Variants in SPTBN2 observed in about 807,000 individuals in gnomAD.
SPTBN2 encodes spectrin beta, non-erythrocytic 2.
SPTBN2 carries 107 observed loss-of-function variants against 284.2 expected under a neutral mutation model. The ratio of observed to expected loss-of-function variants is 0.38; its 90% CI spans 0.32 to 0.44. The LOEUF (loss-of-function observed/expected upper bound fraction) is 0.44, where lower values mean the gene tolerates loss of function less well. SPTBN2 is among the 20% of genes least tolerant of loss of function. SPTBN2 has a pLI of 1.00. For missense variants in SPTBN2, 2,569 were observed against 3,287.1 expected (o/e 0.78, Z 5.34); for synonymous variants, 1,289 against 1,354.8 (o/e 0.95, Z 1.07).
intron 17 of SPTBN2, 139 bp from the exon 18 acceptor site, chr11:66,699,747 G>A (rs1379381741): frequency 2.3e-6 from 2 of 887,698 alleles, no homozygotes; most frequent in Non-Finnish European, 3.6e-6. Flanking sequence ...CTGAAGACAG[G>A]GAGGCTGCCA....
rs112961673 is a variant in SPTBN2 at position 66,691,226 on chromosome 11, G to A, written c.5565+58C>T. ...ACCCTAGCTCCTGGGAACTCTCCCC[G>A]GCATTTCCCCCATGGCCTCCTCTAA... is the stretch of plus-strand genomic sequence containing the variant. On this transcript the variant is annotated intron_variant, in intron 27 of 37. Coordinates refer to ENST00000533211, the MANE Select transcript of SPTBN2 (RefSeq NM_006946.4). The surrounding 1 kb of genome is among the most constrained non-coding windows in gnomAD (Gnocchi z 8.0). 1.7e-3 allele frequency: 2,539 copies of A among 1,498,214 alleles called. 40 individuals are homozygous for A. The African/African-American group carries it at 0.031, about 18-fold the overall frequency. The allele number at this position is 1,498,214 out of a possible 1,614,324, so 92.8% of individuals were successfully genotyped here.
At position 66,696,445 on chromosome 11, in the gene SPTBN2, G is replaced by A. The variant is rs758063193; in HGVS notation, c.4110C>T (p.Thr1370=). Residue 1370 remains threonine (T), a synonymous_variant, in exon 21 of 38, where the codon ACC becomes ACT. Coordinates refer to ENST00000533211, the MANE Select transcript of SPTBN2 (RefSeq NM_006946.4). ...DLHRRWDELE[T]TTQAKARSLF... is the part of the protein sequence containing the mutation. ...GGCTGCGGGCCTTGGCTTGGGTGGTGGTCTCCAGCTCGTCCCAGCGCCTGT... is the reference window on the plus strand; with the variant it reads ...GGCTGCGGGCCTTGGCTTGGGTGGTAGTCTCCAGCTCGTCCCAGCGCCTGT... The A allele has an allele frequency of 1.1e-5, 17 of 1,612,832 alleles. No homozygotes were observed. Among genetic ancestry groups the A allele is most frequent in the Non-Finnish European group, 1.4e-5 (16 of 1,180,034 alleles).
rs1262329146 is a variant in SPTBN2, at chr11:66,689,920, A to G, written c.5834T>C (p.Val1945Ala). The G allele has an allele frequency of 1.2e-6, 2 of 1,613,820 alleles. No individual in the cohort carries two copies. Among genetic ancestry groups the G allele is most frequent in the Non-Finnish European group, 1.7e-6 (2 of 1,179,998 alleles). Reference protein sequence around the residue: ...RPRDVSSADLVIKNQQGIKAE... With the variant: ...RPRDVSSADLAIKNQQGIKAE... Reference sequence around the variant, plus strand: ...CTTGATGCCTTGCTGGTTCTTGATGACTAGATCCGCGGAGGACACATCCCT... The same window carrying G: ...CTTGATGCCTTGCTGGTTCTTGATGGCTAGATCCGCGGAGGACACATCCCT... The change falls in exon 29 of 38, where the codon GTC becomes GCC. Residue 1945 changes from valine to alanine, a missense_variant. Physicochemically the swap from Val to Ala is moderately conservative, Grantham distance 64. This residue lies in a region of SPTBN2 where 1,130 missense variants were observed against 1,317.3 expected (regional missense o/e 0.86). Coordinates refer to ENST00000533211, the MANE Select transcript of SPTBN2 (RefSeq NM_006946.4).
In SPTBN2 at chr11:66,687,483, C is replaced by G; in HGVS notation, c.6666G>C (p.Glu2222Asp). The G allele has an allele frequency of 6.2e-7, 1 of 1,611,062 alleles. No homozygotes were observed. The highest frequency in any genetic ancestry group is 1.3e-5 in the African/African-American group (1 of 75,050). The change falls in exon 35 of 38, where the codon GAG (glutamate) becomes GAC (aspartate). Residue 2222 changes from glutamate (E) to aspartate (D), a missense_variant. Glu to Asp is a conservative substitution (Grantham distance 45). Coordinates refer to ENST00000533211, the MANE Select transcript of SPTBN2 (RefSeq NM_006946.4). This position sits in a 1 kb window ranked among gnomAD's most constrained non-coding sequence, Gnocchi z 5.2. ...TCTCCTGCTTGCGGCACAGCATCCC[C>G]TCCATCTGCTCCTGGGCAGATGGCT... Reference protein sequence around the residue: ...GPEPSAQEQMEGMLCRKQEME... With the variant: ...GPEPSAQEQMDGMLCRKQEME...
intron 1 of SPTBN2, among the ~76,000 whole-genome samples, chr11:66,741,831 T>G (rs1036581655): frequency 6.6e-6 from 1 of 150,816 alleles, no homozygotes; most frequent in South Asian, 2.1e-4. Flanking sequence ...AAAATTTTAA[T>G]TTTTTTTTTG....
intron 1 of SPTBN2, among the ~76,000 whole-genome samples, chr11:66,722,764 A>G (rs1942476330): frequency 6.6e-6 from 1 of 151,392 alleles, no homozygotes; most frequent in Non-Finnish European, 1.5e-5. Flanking sequence ...GTGGTAGCAC[A>G]CGACTGTAGT....
At position 66,711,150 on chromosome 11, in the gene SPTBN2, A is replaced by G. The variant is rs893340134; in HGVS notation, c.773-121T>C. 5.0e-6 allele frequency: 4 copies of G among 796,034 alleles called. No homozygotes were observed. The Admixed American group carries it at 5.9e-5, about 12-fold the overall frequency. 49.3% of individuals were successfully genotyped at this position (796,034 alleles called of 1,614,324 possible). A position where few individuals can be genotyped will look rare whatever the true frequency, so the allele number is the denominator to read the frequency against. On this transcript the variant is annotated intron_variant, in intron 8 of 37. Transcript: ENST00000533211. ...CTGACATCTCTCCATCTCCTTTTAG[A>G]GCAAAATGACAACTTACCCATTCAA...
In SPTBN2 at chr11:66,682,708, A is replaced by C. The variant is rs1388998110; in HGVS notation, c.*3163T>G. On this transcript the variant is annotated 3_prime_UTR_variant, in exon 38 of 38. Transcript: ENST00000533211. ...CTGCTGCTGTGGACAGCATGGACCT[A>C]AAGTCCACTCTTGTAGGTGATGTTA... Among the ~76,000 whole-genome samples the C allele has an allele frequency of 6.6e-6, 1 of 152,066 alleles. No individual in the cohort carries two copies. Among genetic ancestry groups the C allele is most frequent in the East Asian group, 1.9e-4 (1 of 5,196 alleles).
chr11:66,686,557 G>C, intron 36 of SPTBN2, 117 bp from the exon 37 acceptor site: 1 of 1,137,582 alleles, frequency 8.8e-7, no homozygotes, highest in African/African-American at 1.5e-5. Context: ...GCAGCCCTCA[G>C]AGCCGGACCA....
chr11:66,692,508 C>G, intron 26 of SPTBN2, 28 bp downstream of exon 26: 1 of 1,599,164 alleles, frequency 6.3e-7, no homozygotes, highest in Non-Finnish European at 8.5e-7. Context: ...CACGGTTGAT[C>G]TGAGCTGGGT....
chr11:66,693,518 T>C lies in SPTBN2; in HGVS notation c.4594-72A>G. 1 of 1,546,008 alleles carries C rather than the reference T, an allele frequency of 6.5e-7. No homozygotes were observed. On this transcript the variant is annotated intron_variant, in intron 23 of 37. Coordinates refer to ENST00000533211, the MANE Select transcript of SPTBN2 (RefSeq NM_006946.4). This position sits in a 1 kb window ranked among gnomAD's most constrained non-coding sequence, Gnocchi z 5.7. ...CCCACGTGCTCCCGGAGACCACCCT[T>C]CACCCCTGTGCCTCTCTCCTTCCTG...
intron 1 of SPTBN2, among the ~76,000 whole-genome samples, chr11:66,724,576 T>A (rs548702873): frequency 6.6e-6 from 1 of 152,270 alleles, no homozygotes; most frequent in African/African-American, 2.4e-5. Flanking sequence ...TCAAAGAAGC[T>A]AACCATCTGA....
rs779916827 is a variant in SPTBN2 at position 66,693,731 on chromosome 11, G to C, written c.4593+41C>G. The C allele has an allele frequency of 6.4e-7, 1 of 1,574,236 alleles. No homozygotes were observed. Among genetic ancestry groups the C allele is most frequent in the Non-Finnish European group, 8.7e-7 (1 of 1,154,012 alleles). ...AAAAAACACGTCCAAGTCTGGGCAG[G>C]CTCCTGGGAACTTCTCTTTTGCCTT... is the stretch of plus-strand genomic sequence containing the variant. On this transcript the variant is annotated intron_variant, in intron 23 of 37. Transcript: ENST00000533211. This position sits in a 1 kb window ranked among gnomAD's most constrained non-coding sequence, Gnocchi z 5.7.
At position 66,699,005 on chromosome 11, in the gene SPTBN2, T is replaced by C. The variant is rs1303831105; in HGVS notation, c.3854A>G (p.Gln1285Arg). The C allele has an allele frequency of 4.3e-6, 7 of 1,614,212 alleles. No homozygotes were observed. The highest frequency in any genetic ancestry group is 1.6e-4 in the Middle Eastern group (1 of 6,062). ...AGGGAGCCTCACCTCGTGACAATCT[T>C]GCAGGAAATGCTGCTGCTCCCGGTT... ...RDNREQQHFLQDCHELKLWID... is the reference protein window; with the variant it reads ...RDNREQQHFLRDCHELKLWID... Residue 1285 changes from glutamine to arginine, a missense_variant, in exon 19 of 38, where the codon CAA (glutamine) becomes CGA (arginine). Transcript: ENST00000533211.
intron 3 of SPTBN2, 139 bp from the exon 4 acceptor site, chr11:66,716,120 A>G: frequency 2.6e-6 from 3 of 1,141,426 alleles, no homozygotes; most frequent in Non-Finnish European, 3.9e-6. Flanking sequence ...GGGAAGGAAG[A>G]TGACCGGGAG....
rs1272526701 is a variant in SPTBN2 at position 66,686,042 on chromosome 11, A to C, written c.7002T>G (p.Ser2334=). ...NAAIATASSA[S]GEPEEPVVPS... ...GCACCACCGGCTCTTCAGGCTCTCCAGAGGCAGAAGACGCTGTGGCAATGG... is the reference window on the plus strand; with the variant it reads ...GCACCACCGGCTCTTCAGGCTCTCCCGAGGCAGAAGACGCTGTGGCAATGG... Residue 2334 remains serine, a synonymous_variant, in exon 38 of 38, where the codon TCT becomes TCG. Coordinates refer to ENST00000533211, the MANE Select transcript of SPTBN2 (RefSeq NM_006946.4). 1 of 1,613,646 alleles carries C rather than the reference A, an allele frequency of 6.2e-7. No homozygotes were observed. Among genetic ancestry groups the C allele is most frequent in the South Asian group, 1.1e-5 (1 of 91,070 alleles).
chr11:66,703,452 AC>A (rs1200192801), intron 15 of SPTBN2, among the ~76,000 whole-genome samples: 1 of 149,632 alleles, frequency 6.7e-6, no homozygotes, highest in Non-Finnish European at 1.5e-5. Context: ...GAAATTCCTG[AC>A]CCGGCGCAGT....
chr11:66,691,493 G>A lies in SPTBN2; in HGVS notation c.5356C>T (p.Leu1786=). The A allele has an allele frequency of 6.2e-7, 1 of 1,612,116 alleles. No individual in the cohort carries two copies. Among genetic ancestry groups the A allele is most frequent in the Non-Finnish European group, 8.5e-7 (1 of 1,180,010 alleles). ...CCCCGTGTGTCCAGCAGCTCAAGCA[G>A]GTCAGCCCAGGCCTCGTTGAGACTG... The part of the protein sequence containing the change: ...KDSLNEAWAD[L]LELLDTRGQV... Residue 1786 remains leucine (L), a synonymous_variant, in exon 27 of 38, where the codon CTG becomes TTG. Transcript: ENST00000533211. The surrounding 1 kb of genome is among the most constrained non-coding windows in gnomAD (Gnocchi z 8.0).
rs769933559 is a variant in SPTBN2, at chr11:66,688,811, C to T, written c.6073G>A (p.Ala2025Thr). ...VLVFGRDAGM[A>T]EAWLCSQEPL... is the part of the protein sequence containing the mutation. ...TCCTGGCTGCAGAGCCAGGCCTCTGCCATCCCTGCATCTCTTCCAAACACA... is the reference window on the plus strand; with the variant it reads ...TCCTGGCTGCAGAGCCAGGCCTCTGTCATCCCTGCATCTCTTCCAAACACA... The change falls in exon 31 of 38, where the codon GCA (alanine) becomes ACA (threonine). Residue 2025 changes from alanine to threonine, a missense_variant. By Grantham distance (58) the Ala-to-Thr change is moderately conservative. Around this residue, in one of 6 missense-constraint regions of SPTBN2, gnomAD observed 1,130 missense variants for 1,317.3 expected, o/e 0.86. Transcript: ENST00000533211. 3 of 1,612,694 alleles carry T rather than the reference C, an allele frequency of 1.9e-6. No individual in the cohort carries two copies. The highest frequency in any genetic ancestry group is 2.5e-6 in the Non-Finnish European group (3 of 1,180,018).
Sources: gnomAD v4.1 joint callset for allele counts (sites outside exome capture counted in the v4.1 genomes callset) on GRCh38, gnomAD v4.1.1 for gene constraint, gnomAD v4.1.1 regional missense constraint, Gnocchi (gnomAD v3.1) non-coding constraint, MANE v1.5 for transcripts, NCBI Gene and HGNC (gene_info 2026-07-23, HGNC 2026-07-21) for gene names.